KHDRBS1: variants seen among roughly 807,000 people sequenced by gnomAD.
The protein encoded by KHDRBS1 is KH domain-containing, RNA-binding, signal transduction-associated protein 1.
KHDRBS1 carries 7 observed loss-of-function variants against 48.4 expected under a neutral mutation model. That is an observed-to-expected ratio of 0.14 (90% CI 0.08 to 0.27). The LOEUF (loss-of-function observed/expected upper bound fraction) is 0.27. Among genes scored for constraint, KHDRBS1 ranks in the 10% least tolerant of loss-of-function variants. KHDRBS1 has a pLI of 1.00. For synonymous variants in KHDRBS1, 241 were observed against 235.8 expected (o/e 1.02, Z -0.20); for missense variants, 458 against 601.2 (o/e 0.76, Z 2.49).
chr1:32,059,333 A>G (rs1395786456), intron 10 of KHDRBS1, among the ~76,000 whole-genome samples: 1 of 151,922 alleles, frequency 6.6e-6, no homozygotes, highest in Non-Finnish European at 1.5e-5. Context: ...CTGGCAAGCC[A>G]TTAAGAGGAT....
chr1:32,049,147 G>A (rs569835512), intron 10 of KHDRBS1, among the ~76,000 whole-genome samples: 9 of 151,176 alleles, frequency 6.0e-5, no homozygotes, highest in African/African-American at 9.7e-5. Flanking sequence ...TGCAACCTCC[G>A]CCTCCCAGGT....
chr1:32,049,345 A>G (rs771582075), intron 10 of KHDRBS1, among the ~76,000 whole-genome samples: 1 of 151,498 alleles, frequency 6.6e-6, no homozygotes, highest in Non-Finnish European at 1.5e-5. Context: ...GTGAGCCATC[A>G]CGCTCAGCTG....
intron 10 of KHDRBS1, among the ~76,000 whole-genome samples, chr1:32,049,959 C>T (rs1335930810): frequency 6.6e-6 from 1 of 152,192 alleles, no homozygotes; most frequent in East Asian, 1.9e-4. Context: ...CCACGCCCGG[C>T]CTGTTTAATT....
intron 1 of KHDRBS1, among the ~76,000 whole-genome samples, chr1:32,021,436 C>G (rs1359239933): frequency 1.3e-5 from 2 of 152,074 alleles, no homozygotes; most frequent in African/African-American, 2.4e-5. Flanking sequence ...GCTTTGTGCT[C>G]TTGCTTGAAA....
chr1:32,023,219 T>G (rs1638896596), intron 1 of KHDRBS1, among the ~76,000 whole-genome samples: 1 of 151,678 alleles, frequency 6.6e-6, no homozygotes, highest in Non-Finnish European at 1.5e-5. Flanking sequence ...AAAACAAAAG[T>G]GGGGGGTGGG....
chr1:32,033,155 C>T (rs1388456931), intron 3 of KHDRBS1, 33 bp from the exon 4 acceptor site: 2 of 1,596,036 alleles, frequency 1.3e-6, no homozygotes. Context: ...CTCCCTAGTC[C>T]ATGGTGTGAC....
chr1:32,021,931 G>A (rs1050578282), intron 1 of KHDRBS1, among the ~76,000 whole-genome samples: 3 of 151,172 alleles, frequency 2.0e-5, no homozygotes, highest in Non-Finnish European at 2.9e-5. Flanking sequence ...GATTATAGGC[G>A]TGAGGCACCA....
At chr1:32,019,526 T>C (rs1638813482) in intron 1 of KHDRBS1, among the ~76,000 whole-genome samples, 1 of 149,482 alleles carries the variant, frequency 6.7e-6, no homozygotes, top group Non-Finnish European at 1.5e-5. Context: ...TGAAACTCAA[T>C]CTCAAAAAAA....
intron 1 of KHDRBS1, among the ~76,000 whole-genome samples, chr1:32,017,252 C>T (rs886871137): frequency 1.9e-4 from 28 of 148,698 alleles, no homozygotes; most frequent in African/African-American, 6.7e-4. Flanking sequence ...AGCAAGACTC[C>T]GTCTCAAAAA....
chr1:32,037,085 A>G (rs1433583516), intron 5 of KHDRBS1, 42 bp downstream of exon 5: 13 of 1,601,450 alleles, frequency 8.1e-6, no homozygotes, highest in Non-Finnish European at 1.1e-5. Context: ...TGTGAATTTG[A>G]CTACTAGTGT....
rs1232815786 is a variant in KHDRBS1, at chr1:32,043,418, G to A, written c.*794G>A. ...GGTTTTGAAGAGGTTGATGGTGGTG[G>A]GGAGGGAAGGCCTCCTGAATTGAGT... On this transcript the variant is annotated 3_prime_UTR_variant, in exon 9 of 9. Coordinates refer to ENST00000327300, the MANE Select transcript of KHDRBS1 (RefSeq NM_006559.3). 1 of 152,558 alleles carries A rather than the reference G, an allele frequency of 6.6e-6. No homozygotes were observed. The highest frequency in any genetic ancestry group is 2.4e-5 in the African/African-American group (1 of 41,426). 9.5% of individuals were successfully genotyped at this position (152,558 alleles called of 1,614,324 possible).
intron 1 of KHDRBS1, among the ~76,000 whole-genome samples, chr1:32,015,984 G>C (rs1001482180): frequency 2.0e-5 from 3 of 152,106 alleles, no homozygotes; most frequent in African/African-American, 7.2e-5. Context: ...TTGGAGACCA[G>C]CCTGATCAAC....
chr1:32,056,215 A>G (rs568256139), intron 10 of KHDRBS1, among the ~76,000 whole-genome samples: 2 of 151,304 alleles, frequency 1.3e-5, no homozygotes, highest in Non-Finnish European at 2.9e-5. Flanking sequence ...TCTCATGTAC[A>G]CAAGCTAACC....
At position 32,013,990 on chromosome 1, in the gene KHDRBS1, TC is replaced by T. The variant is rs1388387405; in HGVS notation, c.-3del. The stretch of plus-strand genomic sequence containing the variant: ...TTCTCGCTCCTTGGATCGCACATCC[TC>T]CCAGATGCAGCGCCGGGACGACCCC... On this transcript the variant is annotated 5_prime_UTR_variant, in exon 1 of 9. Transcript: ENST00000327300. The T allele has an allele frequency of 4.0e-6, 6 of 1,502,576 alleles. No homozygotes were observed. The highest frequency in any genetic ancestry group is 2.2e-5 in the Admixed American group (1 of 44,816). The allele number at this position is 1,502,576 out of a possible 1,614,324, so 93.1% of individuals were successfully genotyped here.
At chr1:32,020,534 A>T (rs1338678249) in intron 1 of KHDRBS1, among the ~76,000 whole-genome samples, 3 of 151,882 alleles carry the variant, frequency 2.0e-5, no homozygotes, top group African/African-American at 7.3e-5. Flanking sequence ...CAGCAGCTTT[A>T]TTCATAGTAG....
Position 32,031,643 on chromosome 1 carries a change from A to G in KHDRBS1, c.624+3A>G. 1 of 1,583,962 alleles carries G rather than the reference A, an allele frequency of 6.3e-7. No homozygotes were observed. Among genetic ancestry groups the G allele is most frequent in the Non-Finnish European group, 8.6e-7 (1 of 1,158,140 alleles). On this transcript the variant is annotated splice_donor_region_variant and intron_variant, in intron 3 of 8. Transcript: ENST00000327300. ...GCTCAATGAGAGACAAAGCCAAGGT[A>G]AGCTCACATTAGTGAGGCAAGAGGA...
chr1:32,055,041 T>C (rs1459779435), intron 10 of KHDRBS1, among the ~76,000 whole-genome samples: 1 of 152,198 alleles, frequency 6.6e-6, no homozygotes, highest in Non-Finnish European at 1.5e-5. Flanking sequence ...AGCTGCCTGC[T>C]GGTCTTCTCT....
rs553840581 is a variant in KHDRBS1, at chr1:32,018,226, C to T, written c.382+3849C>T. Among the ~76,000 whole-genome samples the T allele has an allele frequency of 1.6e-3, 240 of 151,926 alleles. 1 individual carries two copies. Among genetic ancestry groups the T allele is most frequent in the African/African-American group, 5.4e-3 (225 of 41,448 alleles). On this transcript the variant is annotated intron_variant, in intron 1 of 8. Coordinates refer to ENST00000327300, the MANE Select transcript of KHDRBS1 (RefSeq NM_006559.3). ...CTGTAATCCCAGCACTTTGGGAGGC[C>T]GAGGCAGGCAAAGCACGAGGTCAGG...
chr1:32,053,642 G>A (rs974289603), intron 10 of KHDRBS1, among the ~76,000 whole-genome samples: 26 of 152,156 alleles, frequency 1.7e-4, no homozygotes, highest in African/African-American at 6.0e-4. Context: ...GAGTGGTAAG[G>A]ATTACAGGTA....
Sources: gnomAD v4.1 joint callset for allele counts (sites outside exome capture counted in the v4.1 genomes callset) on GRCh38, gnomAD v4.1.1 for gene constraint, MANE v1.5 for transcripts, NCBI Gene and HGNC (gene_info 2026-07-23, HGNC 2026-07-21) for gene names.